Variants in SH3RF2 observed in about 807,000 individuals in gnomAD.
SH3RF2 encodes the protein E3 ubiquitin-protein ligase SH3RF2.
A neutral mutation model predicts 59.0 loss-of-function variants in SH3RF2; 43 were observed. The observed-to-expected ratio is 0.73, with a 90% CI of 0.57 to 0.94. The LOEUF (loss-of-function observed/expected upper bound fraction) is 0.94. Ranked by LOEUF, SH3RF2 falls within the 40% of genes least tolerant of loss-of-function variation. The probability of loss-of-function intolerance (pLI) is 0.00; values close to 1 mark genes in which losing one functional copy is unlikely to be tolerated. For synonymous variants in SH3RF2, 391 were observed against 391.5 expected, an observed-to-expected ratio of 1.00 and a Z score of 0.01; for missense variants, 930 against 940.1, an observed-to-expected ratio of 0.99 and a Z score of 0.14.
Position 146,017,812 on chromosome 5 carries a change from T to C in SH3RF2, c.1059+3751T>C, listed in dbSNP as rs570470189. On this transcript the variant is annotated intron_variant, in intron 5 of 9. Coordinates refer to ENST00000359120, the MANE Select transcript of SH3RF2 (RefSeq NM_152550.4). ...CCTCCTAGAGCCCACACTCAATCACTTCGCCTCACCCCGCCCAATCCCTCC... is the reference window on the plus strand; with the variant it reads ...CCTCCTAGAGCCCACACTCAATCACCTCGCCTCACCCCGCCCAATCCCTCC... 5.1e-3 allele frequency among the ~76,000 whole-genome samples: 770 copies of C among 152,188 alleles called. 11 individuals are homozygous for C. Among genetic ancestry groups the C allele is most frequent in the African/African-American group, 0.018 (739 of 41,510 alleles).
intron 2 of SH3RF2, among the ~76,000 whole-genome samples, chr5:145,988,725 G>C (rs920857256): frequency 3.3e-5 from 5 of 152,110 alleles, no homozygotes; most frequent in Admixed American, 2.6e-4. Flanking sequence ...ATTTCCACTT[G>C]GTAAGATCAC....
intron 4 of SH3RF2, among the ~76,000 whole-genome samples, chr5:146,006,915 G>C (rs551176258): frequency 1.3e-5 from 2 of 152,302 alleles, no homozygotes; most frequent in Admixed American, 1.3e-4. Context: ...GGGCTTCCTA[G>C]TTTCCACAGT....
At chr5:146,044,301 C>A (rs1311090942) in intron 5 of SH3RF2, among the ~76,000 whole-genome samples, 1 of 152,062 alleles carries the variant, frequency 6.6e-6, no homozygotes, top group Non-Finnish European at 1.5e-5. Flanking sequence ...CAGGCGCATG[C>A]CACCACCCCC....
At chr5:146,020,789 C>A (rs1314331092) in intron 5 of SH3RF2, among the ~76,000 whole-genome samples, 1 of 151,962 alleles carries the variant, frequency 6.6e-6, no homozygotes, top group Non-Finnish European at 1.5e-5. Flanking sequence ...ACAAAAAAGA[C>A]AAGAGAGAGA....
At chr5:146,068,645 G>C (rs931676703) in intron 9 of SH3RF2, among the ~76,000 whole-genome samples, 2 of 152,138 alleles carry the variant, frequency 1.3e-5, no homozygotes, top group Non-Finnish European at 2.9e-5. Flanking sequence ...ACTTGAAATA[G>C]AGCAATGTTA....
At chr5:145,987,184 T>C (rs1217229221) in intron 2 of SH3RF2, among the ~76,000 whole-genome samples, 1 of 152,144 alleles carries the variant, frequency 6.6e-6, no homozygotes, top group Non-Finnish European at 1.5e-5. Context: ...CAGGAAAATA[T>C]TTTTTCTCTG....
chr5:146,003,708 G>T (rs1760519183), intron 3 of SH3RF2, among the ~76,000 whole-genome samples: 1 of 152,026 alleles, frequency 6.6e-6, no homozygotes, highest in South Asian at 2.1e-4. Flanking sequence ...TTTTCTTTTT[G>T]CAAAGCTAAA....
intron 5 of SH3RF2, among the ~76,000 whole-genome samples, chr5:146,018,516 A>C (rs1291950701): frequency 6.8e-6 from 1 of 146,984 alleles, no homozygotes; most frequent in Non-Finnish European, 1.5e-5. Flanking sequence ...ATACACACCC[A>C]CACACACACA....
At chr5:146,070,921 T>C (rs985752581) in intron 9 of SH3RF2, among the ~76,000 whole-genome samples, 1 of 152,224 alleles carries the variant, frequency 6.6e-6, no homozygotes, top group South Asian at 2.1e-4. Context: ...GAGGCTGTTT[T>C]GTGCACTATG....
intron 2 of SH3RF2, among the ~76,000 whole-genome samples, chr5:145,951,061 G>C (rs969390527): frequency 6.6e-6 from 1 of 152,048 alleles, no homozygotes; most frequent in Admixed American, 6.6e-5. Flanking sequence ...CAGAAGATAC[G>C]GAAACTTTGC....
At chr5:146,010,803 C>A (rs967510099) in intron 4 of SH3RF2, among the ~76,000 whole-genome samples, 6 of 152,224 alleles carry the variant, frequency 3.9e-5, no homozygotes, top group Non-Finnish European at 7.4e-5. Context: ...GAGTAGATTG[C>A]AAAAATTTTC....
At chr5:145,989,577 G>T (rs1460734591) in intron 2 of SH3RF2, among the ~76,000 whole-genome samples, 1 of 152,204 alleles carries the variant, frequency 6.6e-6, no homozygotes, top group Non-Finnish European at 1.5e-5. Flanking sequence ...CAAAGGCCAG[G>T]ATGGTTTTGG....
At chr5:146,049,271 T>C in intron 7 of SH3RF2, 26 bp downstream of exon 7, 2 of 1,579,810 alleles carry the variant, frequency 1.3e-6, no homozygotes, top group Non-Finnish European at 1.7e-6. Context: ...TCCCAGACTT[T>C]GGGAGGTTGG....
intron 7 of SH3RF2, among the ~76,000 whole-genome samples, chr5:146,051,593 T>C (rs1762498844): frequency 6.6e-6 from 1 of 152,188 alleles, no homozygotes; most frequent in Admixed American, 6.5e-5. Context: ...AAGTTTTTTT[T>C]TCCTGAGTGA....
chr5:146,016,272 A>G (rs1307789049), intron 5 of SH3RF2, among the ~76,000 whole-genome samples: 3 of 152,202 alleles, frequency 2.0e-5, no homozygotes, highest in Non-Finnish European at 4.4e-5. Context: ...AGATTCTACT[A>G]CCAAAACAAG....
exon 10 of SH3RF2, chr5:146,080,907 TC>T: frequency 6.6e-6 from 1 of 152,524 alleles, no homozygotes; most frequent in Non-Finnish European, 1.5e-5. Context: ...CAAGTGATTC[TC>T]CTGCCTCAGC....
downstream of SH3RF2, among the ~76,000 whole-genome samples, chr5:146,064,589 GAGAGAGAGAGA>G (rs1561772939): frequency 2.1e-4 from 13 of 61,104 alleles, 1 homozygote; most frequent in South Asian, 1.1e-3. Context: ...GGAAGGGGGA[GAGAGAGAGAGA>G]GAGAGAGAGA....
intron 2 of SH3RF2, among the ~76,000 whole-genome samples, chr5:145,945,437 T>A (rs552537932): frequency 6.6e-6 from 1 of 152,334 alleles, no homozygotes; most frequent in South Asian, 2.1e-4. Flanking sequence ...AGACAAAGAA[T>A]TCTTAGACTC....
rs563768320 is a variant in SH3RF2 at position 145,966,973 on chromosome 5, A to G, written c.378+28667A>G. On this transcript the variant is annotated intron_variant, in intron 2 of 9. Transcript: ENST00000359120. The stretch of plus-strand genomic sequence containing the variant: ...GGAGTAGAGGCTGCAGTGAGCTAAG[A>G]TCACACCACTGCACTCCAACCTGGG... Among the ~76,000 whole-genome samples, 5 of 152,282 alleles carry G rather than the reference A, an allele frequency of 3.3e-5. No homozygotes were observed. In the East Asian group the frequency reaches 9.6e-4, roughly 29 times the overall value.
Sources: allele counts gnomAD v4.1 joint callset (sites outside exome capture counted in the v4.1 genomes callset), GRCh38; gene constraint gnomAD v4.1.1; transcripts MANE v1.5; gene names NCBI Gene and HGNC (gene_info 2026-07-23, HGNC 2026-07-21).